Variants in FGF20 observed in about 807,000 individuals in gnomAD.
FGF20 encodes fibroblast growth factor 20.
Under a neutral mutation model 16.7 loss-of-function variants are expected in FGF20, and 8 were observed. That is an observed-to-expected ratio of 0.48 (90% CI 0.28 to 0.87). FGF20 has a LOEUF of 0.87. Ranked by LOEUF, FGF20 falls within the 40% of genes least tolerant of loss-of-function variation. FGF20 has a pLI of 0.10. For synonymous variants in FGF20, 161 were observed against 118.6 expected (o/e 1.36, Z -2.32); for missense variants, 397 against 281.4 (o/e 1.41, Z -2.94).
chr8:16,999,599 T>C (rs1212524653), intron 1 of FGF20, among the ~76,000 whole-genome samples: 1 of 143,628 alleles, frequency 7.0e-6, no homozygotes, highest in Non-Finnish European at 1.5e-5. Context: ...CTTGGCTCAC[T>C]GCAACCTGCG....
intron 2 of FGF20, among the ~76,000 whole-genome samples, chr8:16,994,846 A>G (rs939960286): frequency 2.0e-5 from 3 of 152,176 alleles, no homozygotes; most frequent in African/African-American, 7.2e-5. Flanking sequence ...CAATTCTTAT[A>G]AAAGCATTTA....
intron 1 of FGF20, among the ~76,000 whole-genome samples, chr8:16,996,619 C>T (rs1461251494): frequency 6.6e-6 from 1 of 152,084 alleles, no homozygotes; most frequent in Non-Finnish European, 1.5e-5. Flanking sequence ...TACGATAAAT[C>T]AAGTCAATCT....
chr8:16,998,688 G>A (rs10112711), intron 1 of FGF20, among the ~76,000 whole-genome samples: 6,276 of 151,548 alleles, frequency 0.041, 426 homozygotes, highest in African/African-American at 0.15. Flanking sequence ...AACCACATCA[G>A]ACAAATCTAT....
intron 1 of FGF20, among the ~76,000 whole-genome samples, chr8:16,999,326 G>A (rs972954877): frequency 3.3e-5 from 5 of 152,012 alleles, no homozygotes; most frequent in African/African-American, 7.3e-5. Context: ...CAAAATGTGC[G>A]AGCAAGATGA....
intron 2 of FGF20, 134 bp downstream of exon 2, chr8:16,995,521 G>A (rs1203165450): frequency 6.8e-6 from 3 of 443,914 alleles, no homozygotes; most frequent in South Asian, 1.4e-4. Flanking sequence ...AATTTAGCAG[G>A]ATAGATTTCA....
chr8:16,993,168 C>T lies in FGF20; in HGVS notation c.540G>A (p.Arg180=), dbSNP rs749155129. 1 of 1,613,896 alleles carries T rather than the reference C, an allele frequency of 6.2e-7. No individual in the cohort carries two copies. The highest frequency in any genetic ancestry group is 2.2e-5 in the East Asian group (1 of 44,870). ...NKDGTPRDGA[R]SKRHQKFTHF... ...GTGTAAATTTCTGATGCCTCTTGGA[C>T]CTGGCGCCATCTCTTGGAGTTCCGT... The change falls in exon 3 of 3, where the codon AGG becomes AGA. Residue 180 remains arginine, a synonymous_variant. Coordinates refer to ENST00000180166, the MANE Select transcript of FGF20 (RefSeq NM_019851.3).
chr8:16,998,075 C>G (rs1158982359), intron 1 of FGF20, among the ~76,000 whole-genome samples: 1 of 152,092 alleles, frequency 6.6e-6, no homozygotes, highest in East Asian at 1.9e-4. Flanking sequence ...GCTTTAATGT[C>G]CATATAAGCT....
Position 17,001,781 on chromosome 8 carries a change from G to T in FGF20, c.252C>A (p.Ser84Arg). The change falls in exon 1 of 3, where the codon AGC becomes AGA. Residue 84 changes from serine (S) to arginine (R), a missense_variant. By Grantham distance (110) the Ser-to-Arg change is moderately radical. Transcript: ENST00000180166. ...GFHLQILPDG[S>R]VQGTRQDHSL... Reference sequence around the variant, plus strand: ...TGTGGTCCTGCCGGGTGCCCTGCACGCTGCCGTCGGGCAGGATCTGCAGGT... The same window carrying T: ...TGTGGTCCTGCCGGGTGCCCTGCACTCTGCCGTCGGGCAGGATCTGCAGGT... The T allele has an allele frequency of 1.9e-6, 3 of 1,573,064 alleles. No individual in the cohort carries two copies. The highest frequency in any genetic ancestry group is 2.6e-6 in the Non-Finnish European group (3 of 1,163,600).
intron 2 of FGF20, among the ~76,000 whole-genome samples, chr8:16,994,432 T>C (rs1809996598): frequency 1.3e-5 from 2 of 151,852 alleles, no homozygotes; most frequent in South Asian, 4.2e-4. Flanking sequence ...TAAACCACAG[T>C]TGCTTTTTTT....
chr8:16,996,047 T>C (rs10091549), intron 1 of FGF20, among the ~76,000 whole-genome samples: 6,429 of 152,202 alleles, frequency 0.042, 443 homozygotes, highest in African/African-American at 0.15. Context: ...GATGGAGCCT[T>C]GGGAAGTTGA....
intron 1 of FGF20, among the ~76,000 whole-genome samples, chr8:17,000,801 A>C (rs1358237577): frequency 1.3e-5 from 2 of 151,932 alleles, no homozygotes; most frequent in Non-Finnish European, 2.9e-5. Context: ...CTAGTATCTT[A>C]ACAGACACTG....
chr8:17,000,925 T>C (rs1444232554), intron 1 of FGF20, among the ~76,000 whole-genome samples: 4 of 152,118 alleles, frequency 2.6e-5, no homozygotes, highest in Non-Finnish European at 5.9e-5. Flanking sequence ...CGCTTTCCCA[T>C]TTCCTCTTTC....
At position 16,999,518 on chromosome 8, in the gene FGF20, C is replaced by CTTTT. The variant is rs370808443; in HGVS notation, c.286+2225_286+2228dup. Among the ~76,000 whole-genome samples, 151 of 85,838 alleles carry CTTTT rather than the reference C, an allele frequency of 1.8e-3. 4 individuals carry two copies. The highest frequency in any genetic ancestry group is 4.7e-3 in the African/African-American group (101 of 21,604). The allele number at this position is 85,838 out of a possible 152,430, so 56.3% of individuals were successfully genotyped here. A position where few individuals can be genotyped will look rare whatever the true frequency, so the allele number is the denominator to read the frequency against. On this transcript the variant is annotated intron_variant, in intron 1 of 2. Transcript: ENST00000180166. ...AGATTACAGTTTAATTACAAGTTTC[C>CTTTT]TTTTTTTTTTTTTTTTTTTTTTGAG...
chr8:16,993,293 A>G lies in FGF20; in HGVS notation c.415T>C (p.Phe139Leu), dbSNP rs775035654. The change falls in exon 3 of 3, where the codon TTT becomes CTT. Residue 139 changes from phenylalanine to leucine, a missense_variant. Coordinates refer to ENST00000180166, the MANE Select transcript of FGF20 (RefSeq NM_019851.3). ...CAGTTCTCTTCAAACTGCTCCCTAAAGATGCATTCGGAAGTAAGTTTCTCC... is the reference window on the plus strand; with the variant it reads ...CAGTTCTCTTCAAACTGCTCCCTAAGGATGCATTCGGAAGTAAGTTTCTCC... ...GSEKLTSECI[F>L]REQFEENWYN... 1 of 1,611,490 alleles carries G rather than the reference A, an allele frequency of 6.2e-7. No individual in the cohort carries two copies. Among genetic ancestry groups the G allele is most frequent in the South Asian group, 1.1e-5 (1 of 90,422 alleles).
chr8:16,996,557 T>C (rs1810051345), intron 1 of FGF20, among the ~76,000 whole-genome samples: 1 of 152,242 alleles, frequency 6.6e-6, no homozygotes, highest in Non-Finnish European at 1.5e-5. Context: ...CAGTTTTCCA[T>C]GATCTCATCA....
chr8:16,993,636 G>A (rs1809971621), intron 2 of FGF20, among the ~76,000 whole-genome samples: 1 of 152,028 alleles, frequency 6.6e-6, no homozygotes, highest in Admixed American at 6.6e-5. Flanking sequence ...CATTTATTGT[G>A]TACTTCATTC....
At chr8:17,001,577 T>G (rs17549941) in intron 1 of FGF20, among the ~76,000 whole-genome samples, 170 bp downstream of exon 1, 226 of 152,260 alleles carry the variant, frequency 1.5e-3, no homozygotes, top group African/African-American at 4.4e-3. Flanking sequence ...GCGGCTGCTC[T>G]GGCCAGCCCT....
intron 1 of FGF20, among the ~76,000 whole-genome samples, chr8:16,998,066 C>A (rs1810097666): frequency 1.3e-5 from 2 of 152,086 alleles, no homozygotes; most frequent in Non-Finnish European, 2.9e-5. Context: ...TAAAATATGG[C>A]TTTAATGTCC....
chr8:16,994,490 AT>A (rs1809998459), intron 2 of FGF20, among the ~76,000 whole-genome samples: 1 of 152,068 alleles, frequency 6.6e-6, no homozygotes. Flanking sequence ...TTCTATTGTA[AT>A]TCTATTAATC....
Sources: allele counts gnomAD v4.1 joint callset (sites outside exome capture counted in the v4.1 genomes callset), GRCh38; gene constraint gnomAD v4.1.1; transcripts MANE v1.5; gene names NCBI Gene and HGNC (gene_info 2026-07-23, HGNC 2026-07-21).